ST8SIA6: variants seen among roughly 807,000 people sequenced by gnomAD.
ST8SIA6 encodes alpha-2,8-sialyltransferase 8F.
Under a neutral mutation model 33.6 loss-of-function variants are expected in ST8SIA6, and 39 were observed. The ratio of observed to expected loss-of-function variants is 1.16; its 90% CI spans 0.90 to 1.52. The LOEUF is 1.52. Among genes scored for constraint, ST8SIA6 ranks in the 40% most tolerant of loss-of-function variants. The pLI is 0.00. For missense variants in ST8SIA6, 441 were observed against 443.8 expected (o/e 0.99, Z 0.06); for synonymous variants, 172 against 167.2 (o/e 1.03, Z -0.22).
chr10:17,372,369 A>G (rs1849763076), intron 3 of ST8SIA6, among the ~76,000 whole-genome samples: 1 of 152,216 alleles, frequency 6.6e-6, no homozygotes, highest in Non-Finnish European at 1.5e-5. Flanking sequence ...TTCCGTTTTC[A>G]AATTTCTGAC....
At chr10:17,388,658 C>A (rs1009485665) in intron 3 of ST8SIA6, among the ~76,000 whole-genome samples, 2 of 152,144 alleles carry the variant, frequency 1.3e-5, no homozygotes, top group African/African-American at 4.8e-5. Context: ...AAAATTATAA[C>A]TGAGGAAATT....
chr10:17,341,179 A>G (rs1848661539), intron 4 of ST8SIA6, among the ~76,000 whole-genome samples: 1 of 152,208 alleles, frequency 6.6e-6, no homozygotes, highest in African/African-American at 2.4e-5. Context: ...ATTTAAAGGA[A>G]TCATGGCTAC....
intron 3 of ST8SIA6, among the ~76,000 whole-genome samples, chr10:17,380,656 T>G (rs867793370): frequency 1.3e-5 from 2 of 152,206 alleles, no homozygotes; most frequent in Non-Finnish European, 2.9e-5. Context: ...AGCTGAAATA[T>G]GGTAATAAGA....
At chr10:17,447,024 CAAAA>C (rs566049678) in intron 2 of ST8SIA6, among the ~76,000 whole-genome samples, 4 of 63,354 alleles carry the variant, frequency 6.3e-5, no homozygotes, top group Non-Finnish European at 6.5e-5. Flanking sequence ...GACTCTGTCT[CAAAA>C]AAAAAAAAAA....
chr10:17,334,457 T>A (rs1848439668), intron 4 of ST8SIA6, among the ~76,000 whole-genome samples: 1 of 150,850 alleles, frequency 6.6e-6, no homozygotes, highest in African/African-American at 2.4e-5. Flanking sequence ...GACAATGGTG[T>A]GAACCCAGAA....
intron 3 of ST8SIA6, among the ~76,000 whole-genome samples, chr10:17,366,576 G>A (rs536859877): frequency 6.6e-6 from 1 of 152,138 alleles, no homozygotes; most frequent in East Asian, 1.9e-4. Flanking sequence ...AAGAGGGAAT[G>A]GTGTATCTGT....
At chr10:17,350,689 T>C (rs764279480) in intron 4 of ST8SIA6, among the ~76,000 whole-genome samples, 3 of 151,436 alleles carry the variant, frequency 2.0e-5, no homozygotes, top group Non-Finnish European at 4.4e-5. Context: ...TCAGTTAAAA[T>C]AGAGTTGTCT....
chr10:17,341,935 AG>A (rs1329610983), intron 4 of ST8SIA6, among the ~76,000 whole-genome samples: 43 of 151,158 alleles, frequency 2.8e-4, no homozygotes, highest in Middle Eastern at 3.4e-3. Flanking sequence ...AAAGAAAGAA[AG>A]AAAAAGAAAG....
At chr10:17,417,390 G>A (rs1851637073) in intron 2 of ST8SIA6, among the ~76,000 whole-genome samples, 1 of 152,012 alleles carries the variant, frequency 6.6e-6, no homozygotes, top group Non-Finnish European at 1.5e-5. Flanking sequence ...TCTCAAATAT[G>A]CCATGTTTAG....
intron 7 of ST8SIA6, 21 bp downstream of exon 7, chr10:17,323,044 A>C: frequency 3.8e-6 from 6 of 1,595,090 alleles, no homozygotes; most frequent in Non-Finnish European, 4.3e-6. Context: ...CTGATCAGTT[A>C]TGTAACTTGC....
At chr10:17,388,340 A>G (rs1361705622) in intron 3 of ST8SIA6, among the ~76,000 whole-genome samples, 1 of 152,154 alleles carries the variant, frequency 6.6e-6, no homozygotes, top group Admixed American at 6.5e-5. Flanking sequence ...CTCTAAGCAA[A>G]TATCGTTAGT....
intron 2 of ST8SIA6, among the ~76,000 whole-genome samples, chr10:17,418,729 A>G (rs1489683212): frequency 1.3e-5 from 2 of 152,220 alleles, no homozygotes; most frequent in Admixed American, 1.3e-4. Context: ...GCGATGGCTC[A>G]TGCCTGTAAT....
At chr10:17,390,214 C>T (rs1288423736) in intron 3 of ST8SIA6, among the ~76,000 whole-genome samples, 2 of 152,124 alleles carry the variant, frequency 1.3e-5, no homozygotes, top group Non-Finnish European at 2.9e-5. Flanking sequence ...AACTCCTGGC[C>T]TCAAGCAATC....
intron 3 of ST8SIA6, among the ~76,000 whole-genome samples, chr10:17,367,887 T>C (rs1239518385): frequency 6.6e-6 from 1 of 152,202 alleles, no homozygotes; most frequent in Non-Finnish European, 1.5e-5. Flanking sequence ...TGAGTGGCTA[T>C]TAACCTTTTG....
rs1026092301 is a variant in ST8SIA6 at position 17,317,755 on chromosome 10, G to A, written c.*3123C>T. On this transcript the variant is annotated 3_prime_UTR_variant, in exon 8 of 8. Coordinates refer to ENST00000377602, the MANE Select transcript of ST8SIA6 (RefSeq NM_001004470.3). ...ATTTAGGCAAACACAGGTCTGATTT[G>A]CTGCTTAATTCTGTATTCTACAGAG... 1.3e-5 allele frequency among the ~76,000 whole-genome samples: 2 copies of A among 152,146 alleles called. No individual in the cohort carries two copies. Among genetic ancestry groups the A allele is most frequent in the Non-Finnish European group, 1.5e-5 (1 of 68,030 alleles).
intron 3 of ST8SIA6, among the ~76,000 whole-genome samples, chr10:17,369,913 G>GT (rs1156521383): frequency 6.6e-6 from 1 of 151,048 alleles, no homozygotes; most frequent in Non-Finnish European, 1.5e-5. Context: ...TCAATCTATT[G>GT]TATCTTTGAG....
chr10:17,321,456 T>C (rs1847947156), intron 7 of ST8SIA6, 110 bp from the exon 8 acceptor site: 4 of 845,698 alleles, frequency 4.7e-6, no homozygotes, highest in Non-Finnish European at 3.6e-6. Context: ...ACGATTTGTA[T>C]ACTGTATATA....
chr10:17,374,165 G>T (rs1849821778), intron 3 of ST8SIA6, among the ~76,000 whole-genome samples: 1 of 148,480 alleles, frequency 6.7e-6, no homozygotes, highest in Non-Finnish European at 1.5e-5. Context: ...GCGTGACTTT[G>T]AACAAATCAT....
chr10:17,343,095 G>C (rs1425857009), intron 4 of ST8SIA6, among the ~76,000 whole-genome samples: 2 of 152,188 alleles, frequency 1.3e-5, no homozygotes, highest in Non-Finnish European at 2.9e-5. Context: ...CGGGTGCCTT[G>C]CACTGTGCTA....
Sources: gnomAD v4.1 joint callset for allele counts (sites outside exome capture counted in the v4.1 genomes callset) on GRCh38, gnomAD v4.1.1 for gene constraint, MANE v1.5 for transcripts, NCBI Gene and HGNC (gene_info 2026-07-23, HGNC 2026-07-21) for gene names.